RASEF: variants seen among roughly 807,000 people sequenced by gnomAD.
RASEF encodes ras and EF-hand domain-containing protein.
In RASEF, 68 loss-of-function variants were observed where a neutral mutation model predicts 90.1. The ratio of observed to expected loss-of-function variants is 0.75; its 90% CI spans 0.62 to 0.92. RASEF has a LOEUF of 0.92. Ranked by LOEUF, RASEF falls within the 40% of genes least tolerant of loss-of-function variation. RASEF has a pLI of 0.00. For missense variants in RASEF, 949 were observed against 937.2 expected (o/e 1.01, Z -0.16); for synonymous variants, 331 against 345.2 (o/e 0.96, Z 0.46).
the RASEF span, among the ~76,000 whole-genome samples, chr9:83,170,202 G>A: frequency 1.3e-5 from 2 of 151,940 alleles, no homozygotes. Flanking sequence ...CCCAATGTAT[G>A]TTATTGGCAC....
At chr9:83,007,589 A>T (rs1249493011) in intron 6 of RASEF, 84 bp from the exon 7 acceptor site, 7 of 974,826 alleles carry the variant, frequency 7.2e-6, no homozygotes, top group Middle Eastern at 2.1e-4. Context: ...ACCCTTTCCC[A>T]CCTTTTTCAA....
At chr9:82,997,493 C>A (rs1422781931) in intron 13 of RASEF, among the ~76,000 whole-genome samples, 1 of 152,144 alleles carries the variant, frequency 6.6e-6, no homozygotes, top group African/African-American at 2.4e-5. Flanking sequence ...GAGATACGAA[C>A]TAGAGAATAC....
the RASEF span, among the ~76,000 whole-genome samples, chr9:83,160,961 T>C: frequency 2.0e-5 from 3 of 152,210 alleles, no homozygotes; most frequent in Non-Finnish European, 4.4e-5. Flanking sequence ...AGTCAAGAAC[T>C]GAGGTTTCAG....
the RASEF span, among the ~76,000 whole-genome samples, chr9:83,090,326 G>T: frequency 6.6e-6 from 1 of 151,802 alleles, no homozygotes; most frequent in Admixed American, 6.6e-5. Flanking sequence ...TTTATCCAAT[G>T]AACCCAATGT....
chr9:83,149,430 A>G, the RASEF span, among the ~76,000 whole-genome samples: 1 of 152,170 alleles, frequency 6.6e-6, no homozygotes, highest in East Asian at 1.9e-4. Flanking sequence ...TGAAGTAGGA[A>G]GGAGGTTGGA....
chr9:83,194,708 C>T, the RASEF span, among the ~76,000 whole-genome samples: 5 of 152,198 alleles, frequency 3.3e-5, no homozygotes, highest in African/African-American at 4.8e-5. Flanking sequence ...TTTAATCACT[C>T]ATTCAGTCAT....
At chr9:83,023,970 T>C (rs73469408) in intron 2 of RASEF, among the ~76,000 whole-genome samples, 4,494 of 152,298 alleles carry the variant, frequency 0.03, 203 homozygotes, top group African/African-American at 0.1. Context: ...TCTGGTGAAA[T>C]GTCTGCCCAC....
intron 4 of RASEF, among the ~76,000 whole-genome samples, chr9:83,013,601 A>G (rs189310011): frequency 6.6e-6 from 1 of 152,356 alleles, no homozygotes; most frequent in African/African-American, 2.4e-5. Flanking sequence ...GCTGTTTTGC[A>G]TAACAACCAC....
At chr9:82,983,206 G>A (rs554876783) in intron 16 of RASEF, among the ~76,000 whole-genome samples, 4 of 151,366 alleles carry the variant, frequency 2.6e-5, no homozygotes, top group Admixed American at 1.3e-4. Context: ...CAGAACCTGC[G>A]ATACACACAG....
chr9:82,991,834 A>C (rs1319008240), intron 15 of RASEF, among the ~76,000 whole-genome samples: 1 of 152,200 alleles, frequency 6.6e-6, no homozygotes, highest in African/African-American at 2.4e-5. Flanking sequence ...GAATAACTAG[A>C]TTTCAAAGTA....
At chr9:83,145,650 G>T in the RASEF span, among the ~76,000 whole-genome samples, 6 of 151,346 alleles carry the variant, frequency 4.0e-5, no homozygotes, top group African/African-American at 1.5e-4. Flanking sequence ...ATATTAAAAA[G>T]GATCTCATAT....
intron 14 of RASEF, among the ~76,000 whole-genome samples, chr9:82,994,650 C>CA (rs1564070368): frequency 6.6e-6 from 1 of 152,098 alleles, no homozygotes. Context: ...GGCAGATCCT[C>CA]AAAAAATAGT....
the RASEF span, among the ~76,000 whole-genome samples, chr9:83,143,805 G>C: frequency 6.6e-6 from 1 of 152,010 alleles, no homozygotes; most frequent in African/African-American, 2.4e-5. Context: ...CCCATTACTG[G>C]GTATATAACC....
the RASEF span, among the ~76,000 whole-genome samples, chr9:83,181,265 G>A: frequency 2.0e-5 from 3 of 151,964 alleles, no homozygotes; most frequent in African/African-American, 4.8e-5. Flanking sequence ...AGGCATAAGA[G>A]TCACTTAAAG....
chr9:83,217,304 A>G, the RASEF span, among the ~76,000 whole-genome samples: 1 of 152,092 alleles, frequency 6.6e-6, no homozygotes, highest in Non-Finnish European at 1.5e-5. Context: ...TGGACTTTTG[A>G]GTTAATGCTG....
At chr9:83,128,030 T>C in the RASEF span, among the ~76,000 whole-genome samples, 2 of 150,178 alleles carry the variant, frequency 1.3e-5, no homozygotes, top group South Asian at 2.1e-4. Flanking sequence ...CTTTTCTTTT[T>C]TTTTTTTTTT....
the RASEF span, among the ~76,000 whole-genome samples, chr9:83,128,499 G>A: frequency 2.2e-5 from 3 of 139,054 alleles, no homozygotes; most frequent in African/African-American, 5.4e-5. Context: ...CAAACCAATC[G>A]GCATGCAGTC....
the RASEF span, among the ~76,000 whole-genome samples, chr9:83,152,262 T>C: frequency 6.6e-6 from 1 of 152,218 alleles, no homozygotes; most frequent in Non-Finnish European, 1.5e-5. Context: ...GTTTAACTAT[T>C]CTGAGGTTGG....
chr9:83,091,128 T>G, the RASEF span, among the ~76,000 whole-genome samples: 1 of 152,206 alleles, frequency 6.6e-6, no homozygotes, highest in African/African-American at 2.4e-5. Context: ...ACTTTCTACT[T>G]GCAAAGAGTC....
Sources: allele counts gnomAD v4.1 joint callset (sites outside exome capture counted in the v4.1 genomes callset), GRCh38; gene constraint gnomAD v4.1.1; transcripts MANE v1.5; gene names NCBI Gene and HGNC (gene_info 2026-07-23, HGNC 2026-07-21).